The following DACH2 variants were observed in gnomAD, a reference collection of about 807,000 sequenced individuals.
DACH2 encodes dachshund homolog 2.
Under a neutral mutation model 35.8 loss-of-function variants are expected in DACH2, and 17 were observed. That is an observed-to-expected ratio of 0.48 (90% CI 0.33 to 0.71). The LOEUF (loss-of-function observed/expected upper bound fraction) is 0.71. DACH2 is among the 30% of genes least tolerant of loss of function. DACH2 has a pLI of 0.02. For missense variants in DACH2, 469 were observed against 472.7 expected (o/e 0.99, Z 0.07); for synonymous variants, 195 against 177.3 (o/e 1.10, Z -0.79).
intron 1 of DACH2, among the ~76,000 whole-genome samples, chrX:86,303,504 A>G (rs2034616383): frequency 9.0e-6 from 1 of 110,636 alleles, no homozygotes; most frequent in Middle Eastern, 4.3e-3. Context: ...TTTACCATCA[A>G]GTGGAAATGT....
At chrX:86,718,468 G>T (rs1378769907) in intron 6 of DACH2, among the ~76,000 whole-genome samples, 2 of 111,678 alleles carry the variant, frequency 1.8e-5, no homozygotes, top group Non-Finnish European at 3.8e-5. Context: ...CTGTGCAAAA[G>T]ATTTTTAGTT....
intron 1 of DACH2, among the ~76,000 whole-genome samples, chrX:86,247,093 A>C: frequency 8.9e-6 from 1 of 112,142 alleles, no homozygotes; most frequent in African/African-American, 3.2e-5. Context: ...GGCATTATAT[A>C]ATGGTAAGGT....
intron 1 of DACH2, among the ~76,000 whole-genome samples, chrX:86,346,197 GC>G (rs950281753): frequency 9.0e-6 from 1 of 110,760 alleles, no homozygotes; most frequent in Non-Finnish European, 1.9e-5. Flanking sequence ...ACAATAATTT[GC>G]CCAACCCCTA....
chrX:86,492,569 A>C (rs1403363991), intron 2 of DACH2, among the ~76,000 whole-genome samples: 1 of 111,781 alleles, frequency 8.9e-6, no homozygotes, highest in African/African-American at 3.2e-5. Flanking sequence ...AGTAAGCATA[A>C]TATCCAAGTT....
At chrX:86,390,377 G>C (rs993657444) in intron 2 of DACH2, among the ~76,000 whole-genome samples, 3 of 110,965 alleles carry the variant, frequency 2.7e-5, no homozygotes, top group African/African-American at 9.8e-5. Flanking sequence ...GCGGGAGAAG[G>C]GGAGAGGGAG....
intron 1 of DACH2, among the ~76,000 whole-genome samples, chrX:86,150,111 A>G (rs1201702631): frequency 9.3e-6 from 1 of 108,020 alleles, no homozygotes; most frequent in Non-Finnish European, 1.9e-5. Flanking sequence ...TCTGAGTTTA[A>G]AAAGAAAAAA....
chrX:86,717,413 C>A (rs1172831621), intron 6 of DACH2, among the ~76,000 whole-genome samples: 1 of 109,906 alleles, frequency 9.1e-6, no homozygotes, highest in African/African-American at 3.4e-5. Context: ...AGATTTCATT[C>A]TTTCTTATGG....
At chrX:86,703,841 C>T (rs1163983802) in intron 5 of DACH2, among the ~76,000 whole-genome samples, 1 of 111,732 alleles carries the variant, frequency 8.9e-6, no homozygotes, top group Non-Finnish European at 1.9e-5. Flanking sequence ...ACATTCCATG[C>T]TCATGGATTG....
At chrX:86,696,511 A>G (rs1378035225) in intron 5 of DACH2, among the ~76,000 whole-genome samples, 3 of 111,991 alleles carry the variant, frequency 2.7e-5, no homozygotes, top group African/African-American at 9.7e-5. Context: ...TCTGACATGT[A>G]AAGAGCTTGG....
intron 1 of DACH2, among the ~76,000 whole-genome samples, chrX:86,294,590 A>G (rs1485394393): frequency 9.1e-6 from 1 of 109,668 alleles, no homozygotes; most frequent in Non-Finnish European, 1.9e-5. Context: ...GGTGATGTAC[A>G]GATGGGTTTT....
chrX:86,441,217 T>C (rs1229401608), intron 2 of DACH2, among the ~76,000 whole-genome samples: 1 of 111,292 alleles, frequency 9.0e-6, no homozygotes, highest in African/African-American at 3.3e-5. Context: ...TTATTCATTC[T>C]ATCTAACTAT....
At chrX:86,747,208 C>T (rs1271241118) in intron 7 of DACH2, among the ~76,000 whole-genome samples, 4 of 111,478 alleles carry the variant, frequency 3.6e-5, no homozygotes, top group Non-Finnish European at 7.5e-5. Flanking sequence ...AGATCAGTTT[C>T]TGATAAGATA....
intron 2 of DACH2, among the ~76,000 whole-genome samples, chrX:86,444,476 T>C (rs2037225375): frequency 8.9e-6 from 1 of 111,898 alleles, no homozygotes; most frequent in South Asian, 3.7e-4. Flanking sequence ...TTATTACTGA[T>C]TCAGTCTCAA....
At chrX:86,451,444 T>A (rs1230811746) in intron 2 of DACH2, among the ~76,000 whole-genome samples, 2 of 111,759 alleles carry the variant, frequency 1.8e-5, no homozygotes, top group East Asian at 5.6e-4. Flanking sequence ...AGTGCCAGGC[T>A]GTTTTGGTTG....
chrX:86,178,765 A>G (rs901970583), intron 1 of DACH2, among the ~76,000 whole-genome samples: 2 of 111,714 alleles, frequency 1.8e-5, no homozygotes, highest in Non-Finnish European at 3.8e-5. Context: ...AATAAGCCTC[A>G]TGTACATAAA....
At chrX:86,628,344 C>T (rs2040160835) in intron 3 of DACH2, among the ~76,000 whole-genome samples, 1 of 111,859 alleles carries the variant, frequency 8.9e-6, no homozygotes, top group African/African-American at 3.2e-5. Context: ...ATTTTAAAGA[C>T]ATGAACATTG....
chrX:86,195,513 C>T (rs1245121901), intron 1 of DACH2, among the ~76,000 whole-genome samples: 1 of 111,880 alleles, frequency 8.9e-6, no homozygotes, highest in Non-Finnish European at 1.9e-5. Context: ...GTCACATTGC[C>T]TCTGCCATTG....
At chrX:86,656,857 G>GTGTGTGTATATATATATATA (rs1333268452) in intron 4 of DACH2, among the ~76,000 whole-genome samples, 7 of 66,743 alleles carry the variant, frequency 1.0e-4, no homozygotes, top group African/African-American at 4.3e-4. Flanking sequence ...GTGTGTGTGT[G>GTGTGTGTATATATATATATA]TATATATATA....
chrX:86,467,730 G>C (rs1285641378), intron 2 of DACH2, among the ~76,000 whole-genome samples: 2 of 111,593 alleles, frequency 1.8e-5, no homozygotes, highest in Non-Finnish European at 3.8e-5. Flanking sequence ...CGGTTTAATT[G>C]ACTCACAGTT....
Sources: gnomAD v4.1 joint callset for allele counts (sites outside exome capture counted in the v4.1 genomes callset) on GRCh38, gnomAD v4.1.1 for gene constraint, MANE v1.5 for transcripts, NCBI Gene and HGNC (gene_info 2026-07-23, HGNC 2026-07-21) for gene names.